Variants in SH3TC2 observed in about 807,000 individuals in gnomAD.
SH3TC2 encodes the protein SH3 domain and tetratricopeptide repeats 2.
SH3TC2 carries 87 observed loss-of-function variants against 124.5 expected under a neutral mutation model. The observed-to-expected ratio is 0.70, with a 90% CI of 0.59 to 0.84. The LOEUF is 0.84. Ranked by LOEUF, SH3TC2 falls within the 40% of genes least tolerant of loss-of-function variation. The pLI, the probability that SH3TC2 is intolerant of heterozygous loss-of-function variation, is 0.00. For missense variants in SH3TC2, 1,536 were observed against 1,566.4 expected (o/e 0.98, Z 0.33); for synonymous variants, 634 against 628.5 (o/e 1.01, Z -0.13).
rs1314886338 is a variant in SH3TC2, at chr5:148,987,323, A to T, written c.*17388T>A. ...GATTGCAAGTGCCAAGAGGACAAGA[A>T]CTTTATAAGTTTTTTTCATTGATCT... is the stretch of plus-strand genomic sequence containing the variant. On this transcript the variant is annotated 3_prime_UTR_variant, in exon 17 of 17. Transcript: ENST00000515425. Among the ~76,000 whole-genome samples the T allele has an allele frequency of 6.6e-6, 1 of 152,242 alleles. No individual in the cohort carries two copies. Among genetic ancestry groups the T allele is most frequent in the Non-Finnish European group, 1.5e-5 (1 of 68,042 alleles).
intron 8 of SH3TC2, among the ~76,000 whole-genome samples, chr5:149,033,988 A>G (rs931228012): frequency 7.9e-5 from 12 of 152,246 alleles, no homozygotes; most frequent in African/African-American, 1.7e-4. Flanking sequence ...CAATAAAATG[A>G]ACTATTCACA....
chr5:148,993,169 C>T lies in SH3TC2; in HGVS notation c.*11542G>A, dbSNP rs886060130. The stretch of plus-strand genomic sequence containing the variant: ...CAAAATAAAACTGACAACAGCTAAC[C>T]TACACAAAGAATGTGTTAATGAGCA... On this transcript the variant is annotated 3_prime_UTR_variant, in exon 17 of 17. Transcript: ENST00000515425. Among the ~76,000 whole-genome samples the T allele has an allele frequency of 1.2e-4, 18 of 152,166 alleles. No homozygotes were observed. The highest frequency in any genetic ancestry group is 6.5e-5 in the Admixed American group (1 of 15,272).
In SH3TC2 at chr5:149,007,574, G is replaced by A. The variant is rs58437515; in HGVS notation, c.3479-497C>T. On this transcript the variant is annotated intron_variant, in intron 15 of 16. Transcript: ENST00000515425. ...CTCTCTCTTCAGAGAATTATCTTGGGTACCACCATGTAGCAGTCTCTCCTT... is the reference window on the plus strand; with the variant it reads ...CTCTCTCTTCAGAGAATTATCTTGGATACCACCATGTAGCAGTCTCTCCTT... 1.2e-3 allele frequency: 281 copies of A among 239,790 alleles called. 3 individuals carry two copies. The East Asian group carries it at 0.027, about 23-fold the overall frequency. The allele number at this position is 239,790 out of a possible 1,614,324, so 14.9% of individuals were successfully genotyped here.
chr5:149,033,867 G>A (rs774642504), intron 8 of SH3TC2, among the ~76,000 whole-genome samples: 5 of 152,152 alleles, frequency 3.3e-5, no homozygotes, highest in Admixed American at 6.5e-5. Flanking sequence ...GGTTCCAGGA[G>A]AAGCAAATGC....
chr5:148,983,511 C>T lies in SH3TC2; in HGVS notation c.*21200G>A, dbSNP rs1753284876. Among the ~76,000 whole-genome samples, 1 of 152,198 alleles carries T rather than the reference C, an allele frequency of 6.6e-6. No individual in the cohort carries two copies. ...TATCCAGGTGGAGGTCCCAAGAAAC[C>T]AAATGCAGCTCCCTTTTTTACAGTT... On this transcript the variant is annotated 3_prime_UTR_variant, in exon 17 of 17. Coordinates refer to ENST00000515425, the MANE Select transcript of SH3TC2 (RefSeq NM_024577.4).
In SH3TC2 at chr5:148,996,387, T is replaced by C. The variant is rs1753510397; in HGVS notation, c.*8324A>G. Among the ~76,000 whole-genome samples, 1 of 152,192 alleles carries C rather than the reference T, an allele frequency of 6.6e-6. No individual in the cohort carries two copies. The highest frequency in any genetic ancestry group is 6.6e-5 in the Admixed American group (1 of 15,266). ...ATCAGTTTATATAAGCTCTTAGGACTGTAAAACAACCGGAAATGAAAATCC... is the reference window on the plus strand; with the variant it reads ...ATCAGTTTATATAAGCTCTTAGGACCGTAAAACAACCGGAAATGAAAATCC... On this transcript the variant is annotated 3_prime_UTR_variant, in exon 17 of 17. Coordinates refer to ENST00000515425, the MANE Select transcript of SH3TC2 (RefSeq NM_024577.4).
chr5:149,042,934 C>A (rs1334246778), intron 4 of SH3TC2, 97 bp from the exon 5 acceptor site: 24 of 1,443,488 alleles, frequency 1.7e-5, no homozygotes, highest in Non-Finnish European at 2.3e-5. Context: ...GCTTGATTCC[C>A]AGACCACAAG....
intron 1 of SH3TC2, among the ~76,000 whole-genome samples, chr5:149,052,450 G>T (rs564161970): frequency 6.6e-6 from 1 of 152,170 alleles, no homozygotes; most frequent in Non-Finnish European, 1.5e-5. Flanking sequence ...AGCAGCCTGG[G>T]TATGCCCATC....
intron 12 of SH3TC2, among the ~76,000 whole-genome samples, chr5:149,013,074 T>A (rs781552151): frequency 7.4e-5 from 11 of 147,872 alleles, no homozygotes; most frequent in Non-Finnish European, 1.2e-4. Context: ...CACTTATAAT[T>A]ATTATTATTA....
intron 13 of SH3TC2, among the ~76,000 whole-genome samples, chr5:149,012,137 C>T (rs1001115845): frequency 6.6e-6 from 1 of 152,134 alleles, no homozygotes; most frequent in Non-Finnish European, 1.5e-5. Context: ...TTAACCACTA[C>T]ACTGTACCAC....
rs1182051598 is a variant in SH3TC2 at position 148,999,519 on chromosome 5, G to A, written c.*5192C>T. ...TGCCGCTTGTCCACACATCTCAATG[G>A]GAGCAATTAAAAGAGGAAAAGAGAC... On this transcript the variant is annotated 3_prime_UTR_variant, in exon 17 of 17. Transcript: ENST00000515425. Among the ~76,000 whole-genome samples the A allele has an allele frequency of 1.3e-5, 2 of 152,024 alleles. No individual in the cohort carries two copies. The highest frequency in any genetic ancestry group is 4.8e-5 in the African/African-American group (2 of 41,376).
intron 8 of SH3TC2, among the ~76,000 whole-genome samples, chr5:149,037,606 CCTCGT>C (rs1754304182): frequency 6.6e-6 from 1 of 152,154 alleles, no homozygotes; most frequent in South Asian, 2.1e-4. Flanking sequence ...CTCTCCCTTT[CCTCGT>C]GTACTTCCTG....
At chr5:149,059,428 C>T (rs182226988) in intron 1 of SH3TC2, among the ~76,000 whole-genome samples, 1 of 152,232 alleles carries the variant, frequency 6.6e-6, no homozygotes, top group African/African-American at 2.4e-5. Flanking sequence ...TACCCACCCA[C>T]CACCATGCTC....
In SH3TC2 at chr5:148,998,660, C is replaced by T. The variant is rs146293131; in HGVS notation, c.*6051G>A. On this transcript the variant is annotated 3_prime_UTR_variant, in exon 17 of 17. Coordinates refer to ENST00000515425, the MANE Select transcript of SH3TC2 (RefSeq NM_024577.4). Reference sequence around the variant, plus strand: ...CAGCCCCACTGTGCAGTCCTGGCCACGCAAGTTATTCTTGATCCTGCACCA... The same window carrying T: ...CAGCCCCACTGTGCAGTCCTGGCCATGCAAGTTATTCTTGATCCTGCACCA... 3.8e-3 allele frequency among the ~76,000 whole-genome samples: 572 copies of T among 152,316 alleles called. 20 individuals carry two copies. Among genetic ancestry groups the T allele is most frequent in the Admixed American group, 0.032 (486 of 15,304 alleles).
chr5:149,053,509 G>A (rs150535599), intron 1 of SH3TC2, among the ~76,000 whole-genome samples: 14 of 152,346 alleles, frequency 9.2e-5, no homozygotes, highest in African/African-American at 3.4e-4. Flanking sequence ...TGAAAGCTAA[G>A]CAGCTTAGCT....
In SH3TC2 at chr5:149,026,306, C is replaced by G. The variant is rs143211793; in HGVS notation, c.3053+266G>C. ...GTTTTATGAGCATTAACTCATTTAT[C>G]CTTCACAATAACACTATAAGATAGA... On this transcript the variant is annotated intron_variant, in intron 12 of 16. Transcript: ENST00000515425. 1.1e-3 allele frequency: 581 copies of G among 513,142 alleles called. 3 individuals carry two copies. The highest frequency in any genetic ancestry group is 0.01 in the African/African-American group (530 of 52,316). 31.8% of individuals were successfully genotyped at this position (513,142 alleles called of 1,614,324 possible).
rs868782614 is a variant in SH3TC2 at position 148,993,727 on chromosome 5, C to A, written c.*10984G>T. ...ACAGATGATGCTCTGACAAGGGAGG[C>A]AGACTGAGACCATCACTGTCACATG... is the stretch of plus-strand genomic sequence containing the variant. On this transcript the variant is annotated 3_prime_UTR_variant, in exon 17 of 17. Transcript: ENST00000515425. Among the ~76,000 whole-genome samples the A allele has an allele frequency of 6.6e-6, 1 of 152,148 alleles. No homozygotes were observed. The highest frequency in any genetic ancestry group is 1.5e-5 in the Non-Finnish European group (1 of 68,030).
Position 149,016,127 on chromosome 5 carries a change from C to T in SH3TC2, c.3054-3393G>A, listed in dbSNP as rs146635026. 2.1e-4 allele frequency among the ~76,000 whole-genome samples: 32 copies of T among 152,236 alleles called. 1 individual carries two copies. The East Asian group carries it at 3.1e-3, about 15-fold the overall frequency. ...CTTAGTATGTACTAGGTGCTTTACACGCAAAATCTCATGTAATCATCACAA... is the reference window on the plus strand; with the variant it reads ...CTTAGTATGTACTAGGTGCTTTACATGCAAAATCTCATGTAATCATCACAA... On this transcript the variant is annotated intron_variant, in intron 12 of 16. Coordinates refer to ENST00000515425, the MANE Select transcript of SH3TC2 (RefSeq NM_024577.4).
Position 149,027,866 on chromosome 5 carries a change from C to G in SH3TC2, c.1866G>C (p.Gln622His). 6.2e-7 allele frequency: 1 copy of G among 1,613,956 alleles called. No individual in the cohort carries two copies. The highest frequency in any genetic ancestry group is 8.5e-7 in the Non-Finnish European group (1 of 1,180,038). Residue 622 changes from glutamine to histidine, a missense_variant, in exon 11 of 17, where the codon CAG becomes CAC. Gln to His is a conservative substitution (Grantham distance 24). Transcript: ENST00000515425. ...GCGGGCTGCTGCCCACCACAATCCC[C>G]TGGCGCAGCACGTAGGCCACCACGT... ...ELDVVAYVLR[Q>H]GIVVGSSPLE...
Sources: allele counts gnomAD v4.1 joint callset (sites outside exome capture counted in the v4.1 genomes callset), GRCh38; gene constraint gnomAD v4.1.1; transcripts MANE v1.5; gene names NCBI Gene and HGNC (gene_info 2026-07-23, HGNC 2026-07-21).